Variants in NCAM2 observed in about 807,000 individuals in gnomAD.
NCAM2 encodes N-CAM-2.
A neutral mutation model predicts 98.1 loss-of-function variants in NCAM2; 30 were observed. The ratio of observed to expected loss-of-function variants is 0.31; its 90% CI spans 0.23 to 0.41. NCAM2 has a LOEUF of 0.41. Among genes scored for constraint, NCAM2 ranks in the 10% least tolerant of loss-of-function variants. NCAM2 has a pLI of 1.00. For missense variants in NCAM2, 867 were observed against 1,005.8 expected (o/e 0.86, Z 1.87); for synonymous variants, 368 against 342.4 (o/e 1.07, Z -0.83).
intron 11 of NCAM2, among the ~76,000 whole-genome samples, chr21:21,427,629 A>G (rs2077243634): frequency 6.6e-6 from 1 of 152,164 alleles, no homozygotes; most frequent in Admixed American, 6.5e-5. Flanking sequence ...AAAAAGTTTC[A>G]GTTATGCAAG....
intron 1 of NCAM2, among the ~76,000 whole-genome samples, chr21:21,103,840 CTTAT>C (rs1569026303): frequency 6.6e-6 from 1 of 152,004 alleles, no homozygotes; most frequent in Non-Finnish European, 1.5e-5. Context: ...GTGTTAATGA[CTTAT>C]TTATTATCGA....
intron 11 of NCAM2, among the ~76,000 whole-genome samples, chr21:21,425,390 A>G (rs2145990837): frequency 6.6e-6 from 1 of 152,274 alleles, no homozygotes; most frequent in Non-Finnish European, 1.5e-5. Flanking sequence ...TCTAAATTGA[A>G]TGTTTGAATG....
chr21:21,059,609 AT>A (rs2065281062), intron 1 of NCAM2, among the ~76,000 whole-genome samples: 1 of 152,070 alleles, frequency 6.6e-6, no homozygotes, highest in East Asian at 1.9e-4. Flanking sequence ...AGCATTTCTC[AT>A]ACAAGCCACA....
chr21:21,205,430 T>C (rs957653718), intron 1 of NCAM2, among the ~76,000 whole-genome samples: 2 of 152,176 alleles, frequency 1.3e-5, no homozygotes, highest in African/African-American at 2.4e-5. Flanking sequence ...TGATGTATAT[T>C]ATCTTTGTTT....
chr21:21,530,330 AAAT>A (rs1458748616), intron 16 of NCAM2, among the ~76,000 whole-genome samples: 1,056 of 25,932 alleles, frequency 0.041, 31 homozygotes, highest in African/African-American at 0.14. Flanking sequence ...AAATTAAATT[AAAT>A]TATACATAAT....
At chr21:21,194,772 G>T (rs544678358) in intron 1 of NCAM2, among the ~76,000 whole-genome samples, 1 of 152,168 alleles carries the variant, frequency 6.6e-6, no homozygotes, top group Non-Finnish European at 1.5e-5. Context: ...GGGGTGATTT[G>T]ATATATGTAT....
At chr21:20,998,880 C>A (rs1040463241) in intron 1 of NCAM2, among the ~76,000 whole-genome samples, 1 of 151,938 alleles carries the variant, frequency 6.6e-6, no homozygotes, top group African/African-American at 2.4e-5. Context: ...ACCGCTTCTT[C>A]TTCTTCTTTT....
intron 1 of NCAM2, among the ~76,000 whole-genome samples, chr21:21,020,712 A>G (rs56104771): frequency 0.61 from 92,815 of 151,954 alleles, 28,620 homozygotes; most frequent in East Asian, 0.82. Context: ...CTCTAGTGAT[A>G]CCCCCAGCTA....
At chr21:21,027,909 T>G (rs962581405) in intron 1 of NCAM2, among the ~76,000 whole-genome samples, 9 of 151,390 alleles carry the variant, frequency 5.9e-5, no homozygotes, top group Non-Finnish European at 1.3e-4. Context: ...CAGGCTGGAG[T>G]GCGGTGGCAC....
chr21:21,280,169 CGTGTGTGT>C (rs3831437), intron 1 of NCAM2, among the ~76,000 whole-genome samples: 63 of 150,436 alleles, frequency 4.2e-4, no homozygotes, highest in Admixed American at 1.3e-4. Flanking sequence ...AGTTAATTTG[CGTGTGTGT>C]GTGTGTGTGT....
At chr21:21,338,852 TGTGA>T (rs1323591152) in intron 8 of NCAM2, among the ~76,000 whole-genome samples, 1 of 152,146 alleles carries the variant, frequency 6.6e-6, no homozygotes, top group African/African-American at 2.4e-5. Context: ...ACCCCTGCTG[TGTGA>T]GTATCTGGCC....
chr21:21,412,675 G>A (rs1354546601), intron 10 of NCAM2, among the ~76,000 whole-genome samples: 1 of 152,096 alleles, frequency 6.6e-6, no homozygotes, highest in East Asian at 1.9e-4. Context: ...ACACAGCCAG[G>A]TGATCTGTTG....
chr21:21,369,859 C>T (rs910123641), intron 8 of NCAM2, among the ~76,000 whole-genome samples: 1 of 150,648 alleles, frequency 6.6e-6, no homozygotes, highest in African/African-American at 2.4e-5. Context: ...TTCAACACAG[C>T]TTTTTTTTTC....
Position 21,452,714 on chromosome 21 carries a change from T to C in NCAM2, c.1655-13892T>C, listed in dbSNP as rs1298398425. Among the ~76,000 whole-genome samples, 39 of 110,452 alleles carry C rather than the reference T, an allele frequency of 3.5e-4. 1 individual carries two copies. In the Admixed American group the frequency reaches 4.0e-3, roughly 11 times the overall value. 72.5% of individuals were successfully genotyped at this position (110,452 alleles called of 152,430 possible). A position where few individuals can be genotyped will look rare whatever the true frequency, so the allele number is the denominator to read the frequency against. ...TATATCATTTTAAAAATATAATATA[T>C]ATTACTTTATATATTATATAATATA... is the stretch of plus-strand genomic sequence containing the variant. On this transcript the variant is annotated intron_variant, in intron 12 of 17. Coordinates refer to ENST00000400546, the MANE Select transcript of NCAM2 (RefSeq NM_004540.5).
chr21:21,176,374 A>T (rs1289657873), intron 1 of NCAM2, among the ~76,000 whole-genome samples: 1 of 152,176 alleles, frequency 6.6e-6, no homozygotes, highest in Non-Finnish European at 1.5e-5. Flanking sequence ...AACCATCTAT[A>T]TATAGTTGAA....
intron 12 of NCAM2, among the ~76,000 whole-genome samples, chr21:21,447,504 A>G (rs1465008862): frequency 6.6e-6 from 1 of 152,128 alleles, no homozygotes; most frequent in Non-Finnish European, 1.5e-5. Context: ...AAACTTCATG[A>G]CGAAAAGCCA....
At chr21:21,443,804 G>T (rs1249104847) in intron 12 of NCAM2, among the ~76,000 whole-genome samples, 3 of 152,094 alleles carry the variant, frequency 2.0e-5, no homozygotes, top group Non-Finnish European at 4.4e-5. Context: ...TTATCCTGCA[G>T]CATTTCTTTG....
chr21:21,334,278 C>G (rs1184599871), intron 6 of NCAM2, among the ~76,000 whole-genome samples: 2 of 152,056 alleles, frequency 1.3e-5, no homozygotes, highest in Non-Finnish European at 2.9e-5. Flanking sequence ...TCTTCCACTC[C>G]TCTTAAGAAA....
At chr21:21,326,094 A>T (rs1426712957) in intron 6 of NCAM2, among the ~76,000 whole-genome samples, 1 of 152,196 alleles carries the variant, frequency 6.6e-6, no homozygotes, top group Admixed American at 6.5e-5. Context: ...GAAGAAAGGA[A>T]CATGTTTCTT....
Sources: allele counts gnomAD v4.1 joint callset (sites outside exome capture counted in the v4.1 genomes callset), GRCh38; gene constraint gnomAD v4.1.1; transcripts MANE v1.5; gene names NCBI Gene and HGNC (gene_info 2026-07-23, HGNC 2026-07-21).